The following MAF variants were observed in gnomAD, a reference collection of about 807,000 sequenced individuals.
MAF encodes MAF bZIP transcription factor, also known as transcription factor Maf.
MAF carries 10 observed loss-of-function variants against 22.0 expected under a neutral mutation model. That is an observed-to-expected ratio of 0.45 (90% CI 0.28 to 0.77). The LOEUF (loss-of-function observed/expected upper bound fraction) is 0.77, where lower values mean the gene tolerates loss of function less well. Ranked by LOEUF, MAF falls within the 30% of genes least tolerant of loss-of-function variation. The probability of loss-of-function intolerance (pLI) is 0.12; values close to 1 mark genes in which losing one functional copy is unlikely to be tolerated. For synonymous variants in MAF, 337 were observed against 255.8 expected, an observed-to-expected ratio of 1.32 and a Z score of -3.03; for missense variants, 544 against 548.4, an observed-to-expected ratio of 0.99 and a Z score of 0.08.
At chr16:79,203,044 C>G in the MAF span, 3 of 152,124 alleles carry the variant, frequency 2.0e-5, no homozygotes, top group African/African-American at 7.2e-5. Flanking sequence ...TCACTAACAC[C>G]GAGGCAGAAT....
the MAF span, among the ~76,000 whole-genome samples, chr16:79,390,014 A>G: frequency 1.3e-5 from 2 of 151,690 alleles, no homozygotes; most frequent in East Asian, 1.9e-4. Flanking sequence ...TTAAAATAAA[A>G]AAAAATCCTT....
chr16:79,430,667 G>C, the MAF span, among the ~76,000 whole-genome samples: 13 of 152,186 alleles, frequency 8.5e-5, no homozygotes, highest in Admixed American at 2.6e-4. Context: ...GCAGGGGAGA[G>C]GGTGCCTTCT....
chr16:79,357,199 C>T, the MAF span, among the ~76,000 whole-genome samples: 485 of 149,516 alleles, frequency 3.2e-3, 3 homozygotes, highest in African/African-American at 0.012. Flanking sequence ...GAGGTTGCAA[C>T]GAGCTGAGAT....
chr16:79,435,195 C>G, the MAF span, among the ~76,000 whole-genome samples: 10 of 152,164 alleles, frequency 6.6e-5, no homozygotes, highest in Admixed American at 6.5e-4. Flanking sequence ...TATACACACA[C>G]AGCTGTACAC....
the MAF span, among the ~76,000 whole-genome samples, chr16:79,263,722 G>A: frequency 6.7e-6 from 1 of 148,634 alleles, no homozygotes; most frequent in Non-Finnish European, 1.5e-5. Flanking sequence ...TACTTTCCCT[G>A]GTAATTAGCT....
At chr16:79,427,820 G>A in the MAF span, among the ~76,000 whole-genome samples, 4 of 152,044 alleles carry the variant, frequency 2.6e-5, no homozygotes, top group Admixed American at 1.3e-4. Context: ...GACCATGCAC[G>A]GCCTCCTTGT....
chr16:79,556,631 T>A, the MAF span, among the ~76,000 whole-genome samples: 2 of 152,356 alleles, frequency 1.3e-5, no homozygotes, highest in East Asian at 3.9e-4. Context: ...GGAGAGTAGA[T>A]CCTTGGGCAG....
the MAF span, among the ~76,000 whole-genome samples, chr16:79,363,429 G>T: frequency 3.3e-5 from 5 of 152,076 alleles, no homozygotes; most frequent in African/African-American, 1.2e-4. Flanking sequence ...CCTACAGTTG[G>T]GCAAAATCAT....
At chr16:79,339,483 T>C in the MAF span, among the ~76,000 whole-genome samples, 1 of 152,176 alleles carries the variant, frequency 6.6e-6, no homozygotes, top group African/African-American at 2.4e-5. Context: ...CCTGGGTCCC[T>C]GAATCACTGT....
chr16:79,438,889 C>T, the MAF span, among the ~76,000 whole-genome samples: 1 of 152,176 alleles, frequency 6.6e-6, no homozygotes, highest in Admixed American at 6.5e-5. Context: ...CTTTTCATCC[C>T]TGGGACCGTC....
At chr16:79,310,166 G>C in the MAF span, among the ~76,000 whole-genome samples, 1 of 152,100 alleles carries the variant, frequency 6.6e-6, no homozygotes, top group Non-Finnish European at 1.5e-5. Flanking sequence ...ATTGGCACAA[G>C]GTTCAGCCAC....
the MAF span, among the ~76,000 whole-genome samples, chr16:79,232,724 C>A: frequency 6.6e-6 from 1 of 151,876 alleles, no homozygotes; most frequent in Non-Finnish European, 1.5e-5. Flanking sequence ...GCAGCTGAGC[C>A]TTCCCTCCCA....
chr16:79,562,022 C>T, the MAF span, among the ~76,000 whole-genome samples: 110 of 152,260 alleles, frequency 7.2e-4, 1 homozygote, highest in Non-Finnish European at 2.9e-5. Context: ...AAGCTCAAAA[C>T]CACTGGGCAG....
the MAF span, among the ~76,000 whole-genome samples, chr16:79,383,667 T>C: frequency 6.6e-6 from 1 of 152,224 alleles, no homozygotes; most frequent in Non-Finnish European, 1.5e-5. Flanking sequence ...TTATTATTTT[T>C]ATTTCAAGAG....
the MAF span, among the ~76,000 whole-genome samples, chr16:79,573,701 A>G: frequency 6.6e-6 from 1 of 152,224 alleles, no homozygotes; most frequent in Admixed American, 6.5e-5. Context: ...AACCAGTCAG[A>G]GAAAAAAAGA....
the MAF span, among the ~76,000 whole-genome samples, chr16:79,214,966 C>G: frequency 1.3e-5 from 2 of 148,976 alleles, no homozygotes; most frequent in Non-Finnish European, 3.0e-5. Context: ...CACCTCAGCC[C>G]CCCAAAGTGC....
chr16:79,369,813 G>A, the MAF span, among the ~76,000 whole-genome samples: 6 of 152,210 alleles, frequency 3.9e-5, no homozygotes, highest in East Asian at 1.9e-4. Flanking sequence ...ATCTCAAATC[G>A]TGAAAACTTT....
intron 1 of MAF, among the ~76,000 whole-genome samples, chr16:79,587,807 A>G (rs1435371471): frequency 1.4e-5 from 2 of 143,884 alleles, no homozygotes; most frequent in African/African-American, 2.5e-5. Flanking sequence ...TTTCTTCAAG[A>G]TGACCTCTAC....
chr16:79,445,299 T>C, the MAF span, among the ~76,000 whole-genome samples: 1 of 152,112 alleles, frequency 6.6e-6, no homozygotes, highest in Non-Finnish European at 1.5e-5. Context: ...CGCCTTGGCC[T>C]CCCAAAGTGC....
Sources: gnomAD v4.1 joint callset for allele counts (sites outside exome capture counted in the v4.1 genomes callset) on GRCh38, gnomAD v4.1.1 for gene constraint, MANE v1.5 for transcripts, NCBI Gene and HGNC (gene_info 2026-07-23, HGNC 2026-07-21) for gene names.